The following FGF14 variants were observed in gnomAD, a reference collection of about 807,000 sequenced individuals.
FGF14 encodes the protein fibroblast growth factor homologous factor 4.
In FGF14, 5 loss-of-function variants were observed where a neutral mutation model predicts 25.5. That is an observed-to-expected ratio of 0.20 (90% confidence interval 0.10 to 0.41). The LOEUF (loss-of-function observed/expected upper bound fraction) is 0.41. FGF14 is among the 10% of genes least tolerant of loss of function. The pLI is 1.00. For missense variants in FGF14, 222 were observed against 320.1 expected, an observed-to-expected ratio of 0.69 and a Z score of 2.34; for synonymous variants, 138 against 118.3, an observed-to-expected ratio of 1.17 and a Z score of -1.08.
chr13:101,878,838 T>A (rs568147370), intron 1 of FGF14, among the ~76,000 whole-genome samples: 1 of 152,188 alleles, frequency 6.6e-6, no homozygotes, highest in East Asian at 1.9e-4. Flanking sequence ...TGTATTAATG[T>A]AATATGTAAA....
At chr13:102,220,251 CT>C (rs1325025001) in intron 1 of FGF14, among the ~76,000 whole-genome samples, 1 of 151,892 alleles carries the variant, frequency 6.6e-6, no homozygotes, top group Non-Finnish European at 1.5e-5. Flanking sequence ...TAGTAATTCT[CT>C]TAACAAAAAT....
At chr13:102,351,268 T>C (rs1414076982) in intron 1 of FGF14, among the ~76,000 whole-genome samples, 1 of 152,170 alleles carries the variant, frequency 6.6e-6, no homozygotes, top group African/African-American at 2.4e-5. Flanking sequence ...GGATTTCCCT[T>C]TGGAACCTAA....
intron 1 of FGF14, among the ~76,000 whole-genome samples, chr13:102,159,345 G>A (rs1356649607): frequency 6.6e-6 from 1 of 152,114 alleles, no homozygotes; most frequent in African/African-American, 2.4e-5. Flanking sequence ...TTTTAGTTGG[G>A]CCTCAAAGAT....
chr13:101,927,282 C>T (rs2034429443), intron 1 of FGF14, among the ~76,000 whole-genome samples: 1 of 152,114 alleles, frequency 6.6e-6, no homozygotes, highest in Non-Finnish European at 1.5e-5. Context: ...TTGAAAGCAC[C>T]AAGACATATC....
At chr13:102,246,056 C>G (rs958656320) in intron 1 of FGF14, among the ~76,000 whole-genome samples, 4 of 151,984 alleles carry the variant, frequency 2.6e-5, no homozygotes, top group Non-Finnish European at 5.9e-5. Context: ...GATAGGTGGA[C>G]ATTTTCATTT....
At chr13:102,131,515 C>G (rs1461465231) in intron 1 of FGF14, among the ~76,000 whole-genome samples, 1 of 152,172 alleles carries the variant, frequency 6.6e-6, no homozygotes, top group Admixed American at 6.5e-5. Context: ...GTATGCGCAA[C>G]TCATTCTCAT....
At position 102,134,902 on chromosome 13, in the gene FGF14, A is replaced by T. The variant is rs181890192; in HGVS notation, c.209-259606T>A. 3.3e-5 allele frequency among the ~76,000 whole-genome samples: 5 copies of T among 152,246 alleles called. No individual in the cohort carries two copies. The East Asian group carries it at 9.6e-4, about 29-fold the overall frequency. ...GCCAAATTTCTTTGAACTAAAAATC[A>T]GCCAGGTTCAGTGGCTCATGCCTAT... On this transcript the variant is annotated intron_variant, in intron 1 of 4. Coordinates refer to the FGF14 transcript ENST00000376131.
chr13:101,826,731 C>T (rs72662403), intron 3 of FGF14, among the ~76,000 whole-genome samples: 17,762 of 151,860 alleles, frequency 0.12, 1,289 homozygotes, highest in African/African-American at 0.2. Context: ...TTTTAAATTA[C>T]TCTAAATTTA....
At chr13:101,822,630 T>C (rs185258171) in intron 3 of FGF14, among the ~76,000 whole-genome samples, 1 of 152,220 alleles carries the variant, frequency 6.6e-6, no homozygotes, top group Admixed American at 6.5e-5. Flanking sequence ...ATTTATGGAG[T>C]ACATATGATA....
intron 3 of FGF14, among the ~76,000 whole-genome samples, chr13:101,735,547 A>G (rs1284245907): frequency 1.3e-5 from 2 of 152,218 alleles, no homozygotes; most frequent in East Asian, 3.9e-4. Flanking sequence ...GGTACTCAAA[A>G]TGAATCTTTC....
intron 1 of FGF14, among the ~76,000 whole-genome samples, chr13:102,336,327 G>C (rs2056786447): frequency 6.6e-6 from 1 of 152,176 alleles, no homozygotes; most frequent in African/African-American, 2.4e-5. Context: ...GTGGTCTGGA[G>C]AGAAGATCAA....
chr13:101,998,319 T>C (rs2039298793), intron 1 of FGF14, among the ~76,000 whole-genome samples: 1 of 152,012 alleles, frequency 6.6e-6, no homozygotes. Context: ...CCTCTTTAAA[T>C]GTTTTCTCTT....
At chr13:102,222,017 T>C (rs1027674452) in intron 1 of FGF14, among the ~76,000 whole-genome samples, 3 of 152,184 alleles carry the variant, frequency 2.0e-5, no homozygotes, top group Non-Finnish European at 2.9e-5. Flanking sequence ...AACAATACTT[T>C]TTGATTCTCA....
chr13:101,857,867 G>A (rs1242015283), intron 3 of FGF14, among the ~76,000 whole-genome samples: 3 of 151,638 alleles, frequency 2.0e-5, no homozygotes, highest in African/African-American at 7.3e-5. Context: ...AAAATCCATA[G>A]AAACAAACAA....
intron 1 of FGF14, among the ~76,000 whole-genome samples, chr13:102,241,877 C>T (rs1046901440): frequency 3.9e-5 from 6 of 152,062 alleles, no homozygotes; most frequent in African/African-American, 1.4e-4. Flanking sequence ...TTTCTACAAG[C>T]CATGCAAGTT....
chr13:101,804,818 G>C (rs374252820), intron 3 of FGF14, among the ~76,000 whole-genome samples: 2 of 152,022 alleles, frequency 1.3e-5, no homozygotes, highest in South Asian at 2.1e-4. Flanking sequence ...GAATTGTTTC[G>C]CATTTAAGAA....
intron 1 of FGF14, among the ~76,000 whole-genome samples, chr13:101,893,812 A>G (rs74372241): frequency 0.038 from 5,844 of 152,260 alleles, 393 homozygotes; most frequent in African/African-American, 0.13. Flanking sequence ...CCACAGAACT[A>G]TAAGATAATC....
intron 3 of FGF14, among the ~76,000 whole-genome samples, chr13:101,860,129 A>G (rs959891763): frequency 1.3e-5 from 2 of 152,022 alleles, no homozygotes; most frequent in African/African-American, 2.4e-5. Flanking sequence ...GGTGCAGACT[A>G]CATCTCTTTT....
At chr13:102,142,505 A>G (rs1364166896) in intron 1 of FGF14, among the ~76,000 whole-genome samples, 2 of 152,158 alleles carry the variant, frequency 1.3e-5, no homozygotes, top group Non-Finnish European at 2.9e-5. Flanking sequence ...CTAGGTTTTG[A>G]TAACTTCCTT....
Sources: gnomAD v4.1 joint callset for allele counts (sites outside exome capture counted in the v4.1 genomes callset) on GRCh38, gnomAD v4.1.1 for gene constraint, MANE v1.5 for transcripts, NCBI Gene and HGNC (gene_info 2026-07-23, HGNC 2026-07-21) for gene names.